Variants in CFAP299 observed in about 807,000 individuals in gnomAD.
The protein encoded by CFAP299 is cilia- and flagella-associated protein 299.
A neutral mutation model predicts 27.0 loss-of-function variants in CFAP299; 21 were observed. That is an observed-to-expected ratio of 0.78 (90% CI 0.55 to 1.12). The LOEUF (loss-of-function observed/expected upper bound fraction) is 1.12. Ranked by LOEUF, CFAP299 falls within the 50% of genes most tolerant of loss-of-function variation. CFAP299 has a pLI of 0.00. For synonymous variants in CFAP299, 104 were observed against 98.1 expected (o/e 1.06, Z -0.36); for missense variants, 310 against 276.6 (o/e 1.12, Z -0.86).
At chr4:80,765,546 A>C (rs1725808528) in intron 3 of CFAP299, among the ~76,000 whole-genome samples, 1 of 152,148 alleles carries the variant, frequency 6.6e-6, no homozygotes, top group Admixed American at 6.5e-5. Context: ...TAGTATTTTT[A>C]AATGAATAGG....
At chr4:80,454,264 A>G (rs1179206044) in intron 2 of CFAP299, among the ~76,000 whole-genome samples, 1 of 152,214 alleles carries the variant, frequency 6.6e-6, no homozygotes, top group Non-Finnish European at 1.5e-5. Flanking sequence ...TAAGTGAATC[A>G]TGAGTTGAAA....
intron 5 of CFAP299, among the ~76,000 whole-genome samples, chr4:80,955,903 G>A (rs866321887): frequency 1.7e-4 from 26 of 152,148 alleles, no homozygotes; most frequent in Admixed American, 7.2e-4. Context: ...AGGAGGCTGA[G>A]GCAGAAAAAT....
In CFAP299 at chr4:80,435,188, G is replaced by A. The variant is rs74817462; in HGVS notation, c.242+72304G>A. Among the ~76,000 whole-genome samples the A allele has an allele frequency of 8.5e-3, 1,294 of 152,268 alleles. 9 individuals are homozygous for A. Among genetic ancestry groups the A allele is most frequent in the Middle Eastern group, 0.027 (8 of 294 alleles). On this transcript the variant is annotated intron_variant, in intron 2 of 5. Coordinates refer to ENST00000358105, the MANE Select transcript of CFAP299 (RefSeq NM_152770.3). ...TGGCTTCAAAGCCACTGCCTTAGTA[G>A]GAGATAAGCTCAATGCCCTGCCAGA...
intron 3 of CFAP299, among the ~76,000 whole-genome samples, chr4:80,727,666 G>A (rs909627346): frequency 3.9e-5 from 6 of 152,008 alleles, no homozygotes; most frequent in Non-Finnish European, 7.4e-5. Flanking sequence ...TCATTTACTT[G>A]TAAGAATTAA....
intron 4 of CFAP299, chr4:80,872,834 T>C: frequency 2.3e-6 from 2 of 878,218 alleles, no homozygotes; most frequent in Non-Finnish European, 2.7e-6. Flanking sequence ...AATTATAAGA[T>C]TCGTTTTATT....
intron 2 of CFAP299, among the ~76,000 whole-genome samples, chr4:80,552,869 A>G (rs1461628444): frequency 1.3e-5 from 2 of 152,070 alleles, no homozygotes; most frequent in Non-Finnish European, 2.9e-5. Flanking sequence ...TAAAGTTTTT[A>G]GAGATGGGGG....
At chr4:80,961,671 T>C (rs970388254) in intron 5 of CFAP299, among the ~76,000 whole-genome samples, 1 of 151,868 alleles carries the variant, frequency 6.6e-6, no homozygotes, top group Non-Finnish European at 1.5e-5. Flanking sequence ...CAAGACTGCT[T>C]ATAACTTCAG....
chr4:80,770,445 A>G (rs1331641373), intron 3 of CFAP299, among the ~76,000 whole-genome samples: 1 of 152,090 alleles, frequency 6.6e-6, no homozygotes, highest in African/African-American at 2.4e-5. Context: ...TGTTTTCTAC[A>G]TAACTGCAGG....
intron 3 of CFAP299, among the ~76,000 whole-genome samples, chr4:80,691,652 C>A (rs1376867431): frequency 1.3e-5 from 2 of 150,380 alleles, no homozygotes; most frequent in East Asian, 4.0e-4. Context: ...GATGCCCTCT[C>A]TCACCACTCC....
chr4:80,696,530 T>C (rs1413649791), intron 3 of CFAP299, among the ~76,000 whole-genome samples: 1 of 151,924 alleles, frequency 6.6e-6, no homozygotes, highest in African/African-American at 2.4e-5. Context: ...AAAACAAAAA[T>C]AAAGTAGCAC....
intron 4 of CFAP299, among the ~76,000 whole-genome samples, chr4:80,875,819 G>C (rs1344534600): frequency 6.6e-6 from 1 of 152,116 alleles, no homozygotes; most frequent in East Asian, 1.9e-4. Context: ...CTCATGCATA[G>C]TACCTGCTAG....
intron 2 of CFAP299, among the ~76,000 whole-genome samples, chr4:80,519,010 T>C (rs13116825): frequency 0.38 from 58,443 of 151,982 alleles, 14,572 homozygotes; most frequent in African/African-American, 0.71. Context: ...GAGTACTAGA[T>C]CATAAGGCTT....
chr4:80,603,565 A>G (rs1278892414), intron 3 of CFAP299, among the ~76,000 whole-genome samples: 1 of 152,202 alleles, frequency 6.6e-6, no homozygotes, highest in African/African-American at 2.4e-5. Context: ...GTAGAATAAT[A>G]TGTATATCCT....
chr4:80,781,233 TCAG>T (rs1358327357), intron 3 of CFAP299, among the ~76,000 whole-genome samples: 2 of 152,158 alleles, frequency 1.3e-5, no homozygotes, highest in East Asian at 3.9e-4. Context: ...GTCTTTATCA[TCAG>T]AAGTGTTTTA....
At chr4:80,343,646 A>G (rs62297662) in intron 1 of CFAP299, among the ~76,000 whole-genome samples, 3 of 151,652 alleles carry the variant, frequency 2.0e-5, no homozygotes, top group East Asian at 1.9e-4. Flanking sequence ...AAAATTAGCC[A>G]GGCGCGGTGG....
At chr4:80,721,213 T>C (rs1722791534) in intron 3 of CFAP299, among the ~76,000 whole-genome samples, 1 of 152,158 alleles carries the variant, frequency 6.6e-6, no homozygotes, top group Non-Finnish European at 1.5e-5. Context: ...TCAAATTTGA[T>C]GGAAATCCAA....
chr4:80,768,272 A>T (rs1194582646), intron 3 of CFAP299, among the ~76,000 whole-genome samples: 1 of 152,208 alleles, frequency 6.6e-6, no homozygotes, highest in African/African-American at 2.4e-5. Flanking sequence ...CAGAATTAGG[A>T]TGGTGACAAC....
intron 3 of CFAP299, among the ~76,000 whole-genome samples, chr4:80,654,006 T>G (rs1296683565): frequency 3.9e-5 from 6 of 152,146 alleles, no homozygotes; most frequent in Non-Finnish European, 1.5e-5. Context: ...AAAGAACTAA[T>G]GCATTGAGCT....
At chr4:80,582,574 AATG>A (rs1736226260) in intron 2 of CFAP299, among the ~76,000 whole-genome samples, 1 of 151,872 alleles carries the variant, frequency 6.6e-6, no homozygotes, top group African/African-American at 2.4e-5. Context: ...ATTTCCAGAG[AATG>A]ATATTTTTTG....
Sources: allele counts gnomAD v4.1 joint callset (sites outside exome capture counted in the v4.1 genomes callset), GRCh38; gene constraint gnomAD v4.1.1; transcripts MANE v1.5; gene names NCBI Gene and HGNC (gene_info 2026-07-23, HGNC 2026-07-21).